ARHGAP21: variants seen among roughly 807,000 people sequenced by gnomAD.
The protein encoded by ARHGAP21 is Rho GTPase activating protein 21, also known as rho GTPase-activating protein 21.
ARHGAP21 carries 38 observed loss-of-function variants against 164.6 expected under a neutral mutation model. The ratio of observed to expected loss-of-function variants is 0.23; its 90% CI spans 0.18 to 0.30. The LOEUF (loss-of-function observed/expected upper bound fraction) is 0.30, where lower values mean the gene tolerates loss of function less well. ARHGAP21 is among the 10% of genes least tolerant of loss of function. The probability of loss-of-function intolerance (pLI) is 1.00; values close to 1 mark genes in which losing one functional copy is unlikely to be tolerated. For synonymous variants in ARHGAP21, 766 were observed against 857.9 expected (o/e 0.89, Z 1.87); for missense variants, 1,822 against 2,370.7 (o/e 0.77, Z 4.81).
intron 4 of ARHGAP21, among the ~76,000 whole-genome samples, chr10:24,643,252 T>C (rs1172032789): frequency 6.6e-6 from 1 of 152,212 alleles, no homozygotes; most frequent in East Asian, 1.9e-4. Flanking sequence ...TATTTAAAGT[T>C]CATGTAGCAT....
At chr10:24,629,582 C>T (rs1835647538) in intron 7 of ARHGAP21, 1 of 162,386 alleles carries the variant, frequency 6.2e-6, no homozygotes, top group Admixed American at 6.4e-5. Flanking sequence ...TAAAGTTTGT[C>T]CTCGTATTAC....
In ARHGAP21 at chr10:24,619,519, C is replaced by T. The variant is rs1387862671; in HGVS notation, c.2376G>A (p.Ser792=). 37 of 1,613,954 alleles carry T rather than the reference C, an allele frequency of 2.3e-5. No individual in the cohort carries two copies. Among genetic ancestry groups the T allele is most frequent in the East Asian group, 4.5e-5 (2 of 44,882 alleles). ...AAGAATCGCCAGGCGGACTGGTACT[C>T]GAGGCTTTTCTTTCCTCCATTCTTT... ...HIKRMEERKA[S]STSPPGDSLA... is the part of the protein sequence containing the mutation. The change falls in exon 9 of 26, where the codon TCG becomes TCA. Residue 792 remains serine, a synonymous_variant. Transcript: ENST00000396432.
chr10:24,660,539 C>A (rs982741891), intron 4 of ARHGAP21, among the ~76,000 whole-genome samples: 1 of 152,060 alleles, frequency 6.6e-6, no homozygotes, highest in Non-Finnish European at 1.5e-5. Flanking sequence ...CGATCATGGA[C>A]CATGCTTGAA....
At chr10:24,598,856 CCT>C (rs1355292179) in intron 14 of ARHGAP21, among the ~76,000 whole-genome samples, 2 of 152,116 alleles carry the variant, frequency 1.3e-5, no homozygotes, top group African/African-American at 4.8e-5. Flanking sequence ...AAATCCTACC[CCT>C]GATGCTTAAG....
intron 9 of ARHGAP21, among the ~76,000 whole-genome samples, chr10:24,614,691 G>A (rs2077401597): frequency 1.3e-5 from 2 of 150,640 alleles, no homozygotes; most frequent in South Asian, 4.2e-4. Context: ...ACTGAGGTGG[G>A]AGAATCGCTT....
chr10:24,646,432 G>A (rs1837577452), intron 4 of ARHGAP21, among the ~76,000 whole-genome samples: 1 of 151,832 alleles, frequency 6.6e-6, no homozygotes, highest in Admixed American at 6.6e-5. Flanking sequence ...CAGGAGCCTA[G>A]TACAAGACCA....
In ARHGAP21 at chr10:24,595,106, A is replaced by C. The variant is rs780397561; in HGVS notation, c.3786+11T>G. The C allele has an allele frequency of 1.2e-6, 2 of 1,609,352 alleles. No homozygotes were observed. The highest frequency in any genetic ancestry group is 4.5e-5 in the East Asian group (2 of 44,772). ...TTAGTTGTATCCCCCAAAATATAAA[A>C]TAATACCTACTAGTCTTTTTAATGT... On this transcript the variant is annotated intron_variant, in intron 20 of 25. Coordinates refer to ENST00000396432, the MANE Select transcript of ARHGAP21 (RefSeq NM_020824.4).
At chr10:24,626,679 G>A (rs965840980) in intron 7 of ARHGAP21, among the ~76,000 whole-genome samples, 1 of 152,148 alleles carries the variant, frequency 6.6e-6, no homozygotes, top group Non-Finnish European at 1.5e-5. Context: ...GACCAGACTG[G>A]TGTGGCTATT....
At chr10:24,679,250 G>A (rs1363803612) in intron 2 of ARHGAP21, among the ~76,000 whole-genome samples, 1 of 152,184 alleles carries the variant, frequency 6.6e-6, no homozygotes, top group Non-Finnish European at 1.5e-5. Context: ...GGCCCAGGAA[G>A]CCCAAGATCA....
Position 24,620,916 on chromosome 10 carries a change from T to A in ARHGAP21, c.979A>T (p.Thr327Ser), listed in dbSNP as rs371681863. The A allele has an allele frequency of 2.5e-5, 41 of 1,613,486 alleles. No homozygotes were observed. Among genetic ancestry groups the A allele is most frequent in the Non-Finnish European group, 3.5e-5 (41 of 1,179,814 alleles). The change falls in exon 9 of 26, where the codon ACT becomes TCT. Residue 327 changes from threonine to serine, a missense_variant. By Grantham distance (58) the Thr-to-Ser change is moderately conservative. Around this residue, in one of 5 missense-constraint regions of ARHGAP21, gnomAD observed 1,090 missense variants for 1,378.9 expected, o/e 0.79. Transcript: ENST00000396432. ...CCTGCAGGCTGATGAATTAGATGAG[T>A]GGTGGGAATTGATAATGGTGGTGAT... ...TTSPPLSIPT[T>S]HLIHQPAGSR...
chr10:24,585,833 T>C lies in ARHGAP21; in HGVS notation c.4456A>G (p.Thr1486Ala). 6.2e-7 allele frequency: 1 copy of C among 1,613,960 alleles called. No individual in the cohort carries two copies. ...ENSTRKDPST[T>A]KDEKISLGKE... Reference sequence around the variant, plus strand: ...CCTAGTGATATCTTTTCATCTTTTGTCGTGCTGGGGTCTTTCCTAGTGCTG... The same window carrying C: ...CCTAGTGATATCTTTTCATCTTTTGCCGTGCTGGGGTCTTTCCTAGTGCTG... The change falls in exon 26 of 26, where the codon ACA becomes GCA. Residue 1486 changes from threonine (T) to alanine (A), a missense_variant. Physicochemically the swap from Thr to Ala is moderately conservative, Grantham distance 58 (BLOSUM62 0). This residue lies in a region of ARHGAP21 where 333 missense variants were observed against 383.9 expected (regional missense o/e 0.87). Transcript: ENST00000396432.
chr10:24,597,440 T>A lies in ARHGAP21; in HGVS notation c.3334+7A>T. On this transcript the variant is annotated splice_region_variant and intron_variant, in intron 16 of 25. Coordinates refer to ENST00000396432, the MANE Select transcript of ARHGAP21 (RefSeq NM_020824.4). ...ATATTTATTTGTTAGAAAGCTAACA[T>A]CAATACCTTTACTGAGAAGTTTCCT... The A allele has an allele frequency of 6.2e-7, 1 of 1,609,290 alleles. No homozygotes were observed. Among genetic ancestry groups the A allele is most frequent in the Non-Finnish European group, 8.5e-7 (1 of 1,178,790 alleles).
At chr10:24,688,005 G>C (rs1842376129) in intron 2 of ARHGAP21, among the ~76,000 whole-genome samples, 1 of 152,210 alleles carries the variant, frequency 6.6e-6, no homozygotes, top group South Asian at 2.1e-4. Flanking sequence ...AGCAACCAAT[G>C]TTAATGGTGA....
chr10:24,675,605 G>A (rs1841139610), intron 2 of ARHGAP21, among the ~76,000 whole-genome samples: 1 of 152,080 alleles, frequency 6.6e-6, no homozygotes, highest in Admixed American at 6.5e-5. Context: ...TTAAACAAAA[G>A]AAGCAGCAAT....
intron 6 of ARHGAP21, among the ~76,000 whole-genome samples, chr10:24,633,095 T>C (rs1006892063): frequency 4.6e-5 from 7 of 152,196 alleles, no homozygotes; most frequent in Admixed American, 3.9e-4. Context: ...TATTTATATA[T>C]TAAAAACAAA....
At position 24,670,156 on chromosome 10, in the gene ARHGAP21, TA is replaced by T. The variant is rs1840567424; in HGVS notation, c.243+61del. On this transcript the variant is annotated intron_variant, in intron 3 of 25. Transcript: ENST00000396432. ...CCATAGGGAAGGGTAAGAGGAAGAC[TA>T]GAAGGGGATAGGAATGGCCTTGTGG... The T allele has an allele frequency of 5.7e-6, 7 of 1,221,788 alleles. No individual in the cohort carries two copies. In the South Asian group the frequency reaches 1.5e-4, roughly 26 times the overall value. 75.7% of individuals were successfully genotyped at this position (1,221,788 alleles called of 1,614,324 possible). A position where few individuals can be genotyped will look rare whatever the true frequency, so the allele number is the denominator to read the frequency against.
At position 24,584,554 on chromosome 10, in the gene ARHGAP21, G is replaced by C; in HGVS notation, c.5735C>G (p.Ser1912Cys). 3 of 1,613,954 alleles carry C rather than the reference G, an allele frequency of 1.9e-6. No individual in the cohort carries two copies. The highest frequency in any genetic ancestry group is 2.5e-6 in the Non-Finnish European group (3 of 1,179,870). Reference protein sequence around the residue: ...TLASTNRPLLSIPPQSPDQIN... With the variant: ...TLASTNRPLLCIPPQSPDQIN... ...TTGGTCAGGTGACTGTGGTGGTATG[G>C]AAAGAAGGGGCCTGTTTGTTGAAGC... Residue 1912 changes from serine to cysteine, a missense_variant, in exon 26 of 26, where the codon TCC (serine) becomes TGC (cysteine). By Grantham distance (112) the Ser-to-Cys change is moderately radical. Transcript: ENST00000396432.
intron 2 of ARHGAP21, among the ~76,000 whole-genome samples, chr10:24,674,512 C>A (rs767125573): frequency 1.3e-5 from 2 of 152,142 alleles, no homozygotes; most frequent in Non-Finnish European, 2.9e-5. Flanking sequence ...CAGAGCCAGA[C>A]TCTGTCTCAA....
At chr10:24,602,227 C>T (rs2076842504) in intron 12 of ARHGAP21, 124 bp from the exon 13 acceptor site, 12 of 1,098,526 alleles carry the variant, frequency 1.1e-5, no homozygotes, top group Non-Finnish European at 1.4e-5. Context: ...TTTGAAAAAT[C>T]CTAACTTTAT....
Sources: gnomAD v4.1 joint callset for allele counts (sites outside exome capture counted in the v4.1 genomes callset) on GRCh38, gnomAD v4.1.1 for gene constraint, gnomAD v4.1.1 regional missense constraint, MANE v1.5 for transcripts, NCBI Gene and HGNC (gene_info 2026-07-23, HGNC 2026-07-21) for gene names.